The following SLCO6A1 variants were observed in gnomAD, a reference collection of about 807,000 sequenced individuals.
SLCO6A1 encodes cancer/testis antigen 48.
A neutral mutation model predicts 72.7 loss-of-function variants in SLCO6A1; 65 were observed. The observed-to-expected ratio is 0.89, with a 90% CI of 0.73 to 1.10. SLCO6A1 has a LOEUF of 1.10. Among genes scored for constraint, SLCO6A1 ranks in the 50% least tolerant of loss-of-function variants. The pLI, the probability that SLCO6A1 is intolerant of heterozygous loss-of-function variation, is 0.00. For synonymous variants in SLCO6A1, 314 were observed against 298.2 expected (o/e 1.05, Z -0.55); for missense variants, 874 against 872.6 (o/e 1.00, Z -0.02).
chr5:102,442,098 G>T (rs1007855798), intron 6 of SLCO6A1, among the ~76,000 whole-genome samples: 12 of 152,152 alleles, frequency 7.9e-5, no homozygotes, highest in African/African-American at 2.7e-4. Flanking sequence ...TGTACTAGCT[G>T]CAACAGGCAG....
At chr5:102,408,810 A>G (rs1305212727) in intron 9 of SLCO6A1, among the ~76,000 whole-genome samples, 1 of 152,182 alleles carries the variant, frequency 6.6e-6, no homozygotes, top group East Asian at 1.9e-4. Context: ...AAAAATACAT[A>G]TTAAAAATAA....
intron 10 of SLCO6A1, among the ~76,000 whole-genome samples, chr5:102,397,956 T>A (rs1343797475): frequency 2.0e-5 from 3 of 152,156 alleles, no homozygotes; most frequent in Non-Finnish European, 4.4e-5. Context: ...AATATTACTA[T>A]TATCTCTTTC....
rs201025529 is a variant in SLCO6A1, at chr5:102,391,064, G to T, written c.1815-19C>A. The T allele has an allele frequency of 4.4e-4, 706 of 1,604,958 alleles. 3 individuals are homozygous for T. Among genetic ancestry groups the T allele is most frequent in the Non-Finnish European group, 2.8e-4 (334 of 1,172,006 alleles). ...TACAACCCTGAAAGTAAATAGCAATGATATAATCAGCACATCATTGTTATT... is the reference window on the plus strand; with the variant it reads ...TACAACCCTGAAAGTAAATAGCAATTATATAATCAGCACATCATTGTTATT... On this transcript the variant is annotated intron_variant, in intron 10 of 13. Coordinates refer to ENST00000506729, the MANE Select transcript of SLCO6A1 (RefSeq NM_173488.5).
At chr5:102,385,088 T>C (rs933494413) in intron 12 of SLCO6A1, among the ~76,000 whole-genome samples, 1 of 152,146 alleles carries the variant, frequency 6.6e-6, no homozygotes, top group Non-Finnish European at 1.5e-5. Flanking sequence ...TTCTCAGGTG[T>C]AGTATTCTTG....
chr5:102,450,253 G>A (rs566046318), intron 6 of SLCO6A1, among the ~76,000 whole-genome samples: 2 of 152,240 alleles, frequency 1.3e-5, no homozygotes, highest in Admixed American at 6.5e-5. Context: ...TCATGTGTGT[G>A]GGCTATGTTC....
intron 9 of SLCO6A1, among the ~76,000 whole-genome samples, chr5:102,406,468 A>G (rs1747672798): frequency 1.3e-5 from 2 of 152,080 alleles, no homozygotes; most frequent in Admixed American, 1.3e-4. Context: ...ACAACACAAA[A>G]ATAAAGAGAA....
chr5:102,379,121 G>T (rs1166195233), intron 12 of SLCO6A1, among the ~76,000 whole-genome samples: 6 of 152,050 alleles, frequency 3.9e-5, no homozygotes, highest in African/African-American at 1.4e-4. Flanking sequence ...CTTTTGTGAA[G>T]AATTTTTTCA....
chr5:102,490,727 G>C (rs1246306711), intron 1 of SLCO6A1, among the ~76,000 whole-genome samples: 1 of 152,092 alleles, frequency 6.6e-6, no homozygotes, highest in Non-Finnish European at 1.5e-5. Context: ...AGCTCTTCAG[G>C]TGGCACATCT....
chr5:102,392,813 C>T (rs1414305394), intron 10 of SLCO6A1, among the ~76,000 whole-genome samples: 3 of 151,834 alleles, frequency 2.0e-5, no homozygotes, highest in African/African-American at 2.4e-5. Flanking sequence ...GAAGCTTTCA[C>T]TCTTTTTATA....
intron 10 of SLCO6A1, among the ~76,000 whole-genome samples, chr5:102,392,327 TAAAG>T (rs201227356): frequency 0.01 from 1,545 of 152,084 alleles, 21 homozygotes; most frequent in African/African-American, 0.035. Context: ...GCAGATTCAC[TAAAG>T]AGAGTTTAAA....
intron 9 of SLCO6A1, among the ~76,000 whole-genome samples, chr5:102,402,498 G>T (rs1265503728): frequency 6.6e-6 from 1 of 152,098 alleles, no homozygotes; most frequent in African/African-American, 2.4e-5. Flanking sequence ...ACTTTGTGTT[G>T]CTATAACAGA....
chr5:102,473,003 G>A (rs1751705944), intron 4 of SLCO6A1, among the ~76,000 whole-genome samples: 1 of 151,930 alleles, frequency 6.6e-6, no homozygotes, highest in Non-Finnish European at 1.5e-5. Context: ...TCCCAACAGA[G>A]GAAAGCCTAG....
intron 12 of SLCO6A1, among the ~76,000 whole-genome samples, chr5:102,377,023 G>A (rs1745834786): frequency 6.6e-6 from 1 of 152,070 alleles, no homozygotes; most frequent in Non-Finnish European, 1.5e-5. Context: ...AATTAGCCGG[G>A]CATGGTGGCA....
intron 4 of SLCO6A1, among the ~76,000 whole-genome samples, chr5:102,460,108 A>G (rs2112762824): frequency 6.6e-6 from 1 of 152,180 alleles, no homozygotes; most frequent in Non-Finnish European, 1.5e-5. Context: ...TTGGAACACT[A>G]CCTTTTTAAA....
chr5:102,455,700 C>T (rs900842424), intron 6 of SLCO6A1, among the ~76,000 whole-genome samples: 20 of 152,160 alleles, frequency 1.3e-4, no homozygotes, highest in Middle Eastern at 3.4e-3. Context: ...AAAATTAACA[C>T]GAAATAATAT....
intron 1 of SLCO6A1, among the ~76,000 whole-genome samples, chr5:102,489,996 C>A (rs1229169880): frequency 1.3e-5 from 2 of 152,152 alleles, no homozygotes; most frequent in Non-Finnish European, 2.9e-5. Flanking sequence ...CATGGAAAGA[C>A]AAGTACTGCA....
At position 102,389,452 on chromosome 5, in the gene SLCO6A1, A is replaced by AC. The variant is rs1203152155; in HGVS notation, c.1880-628dup. On this transcript the variant is annotated intron_variant, in intron 11 of 13. Coordinates refer to ENST00000506729, the MANE Select transcript of SLCO6A1 (RefSeq NM_173488.5). Reference sequence around the variant, plus strand: ...TGAACAGTCACACACCCCGCCCCCCACCCCCACACACACAGAGTTGCCCCC... The same window carrying AC: ...TGAACAGTCACACACCCCGCCCCCCACCCCCCACACACACAGAGTTGCCCCC... Among the ~76,000 whole-genome samples, 8 of 58,084 alleles carry AC rather than the reference A, an allele frequency of 1.4e-4. 1 individual carries two copies. Among genetic ancestry groups the AC allele is most frequent in the Admixed American group, 4.1e-4 (2 of 4,938 alleles). The allele number at this position is 58,084 out of a possible 152,430, so 38.1% of individuals were successfully genotyped here. A position where few individuals can be genotyped will look rare whatever the true frequency, so the allele number is the denominator to read the frequency against.
At chr5:102,472,891 C>T (rs1312252088) in intron 4 of SLCO6A1, among the ~76,000 whole-genome samples, 1 of 151,972 alleles carries the variant, frequency 6.6e-6, no homozygotes, top group Non-Finnish European at 1.5e-5. Flanking sequence ...GACATGGATA[C>T]ATTTCTAGAA....
intron 8 of SLCO6A1, among the ~76,000 whole-genome samples, chr5:102,416,921 T>A (rs1418388782): frequency 6.6e-6 from 1 of 152,070 alleles, no homozygotes; most frequent in Non-Finnish European, 1.5e-5. Context: ...GACCACTGAT[T>A]TTTTTGGTCT....
Sources: allele counts gnomAD v4.1 joint callset (sites outside exome capture counted in the v4.1 genomes callset), GRCh38; gene constraint gnomAD v4.1.1; transcripts MANE v1.5; gene names NCBI Gene and HGNC (gene_info 2026-07-23, HGNC 2026-07-21).